Variants in COL5A2 observed in about 807,000 individuals in gnomAD.
COL5A2 encodes collagen alpha-2(V) chain.
Under a neutral mutation model 208.2 loss-of-function variants are expected in COL5A2, and 23 were observed. The ratio of observed to expected loss-of-function variants is 0.11; its 90% CI spans 0.08 to 0.16. The LOEUF (loss-of-function observed/expected upper bound fraction) is 0.16, where lower values mean the gene tolerates loss of function less well. Among genes scored for constraint, COL5A2 ranks in the 10% least tolerant of loss-of-function variants. The probability of loss-of-function intolerance (pLI) is 1.00; values close to 1 mark genes in which losing one functional copy is unlikely to be tolerated. For missense variants in COL5A2, 1,590 were observed against 1,956.4 expected, an observed-to-expected ratio of 0.81 and a Z score of 3.53; for synonymous variants, 625 against 628.5, an observed-to-expected ratio of 0.99 and a Z score of 0.08.
chr2:189,231,251 G>T, the COL5A2 span, among the ~76,000 whole-genome samples: 1 of 151,692 alleles, frequency 6.6e-6, no homozygotes, highest in African/African-American at 2.4e-5. Flanking sequence ...GAAAGCTATT[G>T]TATAACAATG....
chr2:189,081,116 T>G (rs1193278221), intron 12 of COL5A2, 73 bp from the exon 13 acceptor site: 2 of 1,300,200 alleles, frequency 1.5e-6, no homozygotes, highest in East Asian at 4.6e-5. Flanking sequence ...ATATCATTTT[T>G]TCCCAAAAAA....
chr2:189,066,778 T>C lies in COL5A2; in HGVS notation c.1406A>G (p.Asp469Gly), dbSNP rs1553515681. 6.2e-7 allele frequency: 1 copy of C among 1,612,882 alleles called. No homozygotes were observed. The highest frequency in any genetic ancestry group is 1.1e-5 in the South Asian group (1 of 91,054). The change falls in exon 22 of 54, where the codon GAT becomes GGT. Residue 469 changes from aspartate to glycine, a missense_variant. By Grantham distance (94) the Asp-to-Gly change is moderately conservative (BLOSUM62 -1). Transcript: ENST00000374866. ...GPQGIRGQPG[D>G]PGVPGFKGEA... ...TCCTTTGAAACCTGGAACTCCTGGATCACCCTGAAAAAAATATATTGATAT... is the reference window on the plus strand; with the variant it reads ...TCCTTTGAAACCTGGAACTCCTGGACCACCCTGAAAAAAATATATTGATAT...
chr2:189,070,513 G>T (rs1287708099), intron 18 of COL5A2, among the ~76,000 whole-genome samples: 1 of 152,170 alleles, frequency 6.6e-6, no homozygotes, highest in Non-Finnish European at 1.5e-5. Context: ...AGTTTTGCTA[G>T]ATATTTGAGT....
chr2:189,371,458 T>C, the COL5A2 span, among the ~76,000 whole-genome samples: 1 of 152,264 alleles, frequency 6.6e-6, no homozygotes, highest in Non-Finnish European at 1.5e-5. Flanking sequence ...AGAGAAGTGT[T>C]AAGTGATTCT....
the COL5A2 span, among the ~76,000 whole-genome samples, chr2:189,293,455 A>G: frequency 2.0e-5 from 3 of 152,184 alleles, no homozygotes; most frequent in Non-Finnish European, 4.4e-5. Flanking sequence ...CCAGTAGGAT[A>G]GAACAAGTGG....
chr2:189,320,009 A>G, the COL5A2 span, among the ~76,000 whole-genome samples: 3 of 152,210 alleles, frequency 2.0e-5, no homozygotes, highest in Non-Finnish European at 4.4e-5. Context: ...CTGTTCAGCA[A>G]TATTCACTGT....
At chr2:189,088,648 AT>A (rs1686717088) in intron 8 of COL5A2, 46 bp downstream of exon 8, 2 of 1,424,490 alleles carry the variant, frequency 1.4e-6, no homozygotes, top group South Asian at 2.3e-5. Context: ...TTTTAAAATA[AT>A]TTTTTTCACT....
chr2:189,204,234 C>T (rs1306741092), intron 1 of COL5A2, among the ~76,000 whole-genome samples: 1 of 152,104 alleles, frequency 6.6e-6, no homozygotes. Context: ...TTTGAATTCC[C>T]CAATGTTGTA....
At chr2:189,079,153 G>A (rs775259589) in intron 14 of COL5A2, 46 bp from the exon 15 acceptor site, 10 of 1,392,942 alleles carry the variant, frequency 7.2e-6, no homozygotes, top group Middle Eastern at 1.8e-4. Context: ...GCCTACAACC[G>A]ATACATCACT....
At chr2:189,308,664 C>A in the COL5A2 span, among the ~76,000 whole-genome samples, 1 of 152,128 alleles carries the variant, frequency 6.6e-6, no homozygotes, top group African/African-American at 2.4e-5. Context: ...TTATCTTAAC[C>A]TAGACATTTC....
the COL5A2 span, among the ~76,000 whole-genome samples, chr2:189,309,877 G>A: frequency 1.3e-5 from 2 of 152,260 alleles, no homozygotes; most frequent in South Asian, 4.1e-4. Context: ...TAATTTAGAG[G>A]TCACGCTTAA....
chr2:189,131,958 T>C (rs1035239073), intron 1 of COL5A2, among the ~76,000 whole-genome samples: 5 of 152,234 alleles, frequency 3.3e-5, no homozygotes, highest in Non-Finnish European at 7.3e-5. Context: ...ATATAATTGA[T>C]AAAATGTGAA....
intron 1 of COL5A2, among the ~76,000 whole-genome samples, chr2:189,207,251 A>G (rs1689153633): frequency 6.6e-6 from 1 of 152,180 alleles, no homozygotes; most frequent in African/African-American, 2.4e-5. Context: ...ATTTTCAAAA[A>G]TTGGCTGCAT....
At chr2:189,355,286 T>A in the COL5A2 span, among the ~76,000 whole-genome samples, 1 of 152,160 alleles carries the variant, frequency 6.6e-6, no homozygotes, top group Non-Finnish European at 1.5e-5. Context: ...TCTGTAGATG[T>A]CTATTAGTTC....
chr2:189,319,638 A>T, the COL5A2 span, among the ~76,000 whole-genome samples: 2 of 152,228 alleles, frequency 1.3e-5, no homozygotes, highest in Middle Eastern at 3.2e-3. Context: ...GCCATTGCTG[A>T]GGCTTGAGTA....
chr2:189,208,459 G>A (rs975589866), intron 1 of COL5A2, among the ~76,000 whole-genome samples: 6 of 152,136 alleles, frequency 3.9e-5, no homozygotes, highest in African/African-American at 1.4e-4. Context: ...TCAATAAAAA[G>A]GATGGCAGAA....
chr2:189,152,868 A>G (rs1056420228), intron 1 of COL5A2, among the ~76,000 whole-genome samples: 13 of 152,162 alleles, frequency 8.5e-5, no homozygotes, highest in Non-Finnish European at 1.3e-4. Context: ...AATTTTATTT[A>G]TCTTGAACTG....
At chr2:189,316,658 G>A in the COL5A2 span, among the ~76,000 whole-genome samples, 8 of 151,938 alleles carry the variant, frequency 5.3e-5, no homozygotes, top group South Asian at 1.7e-3. Flanking sequence ...TAATTCCTGG[G>A]TGGTGAAATA....
At chr2:189,314,002 T>G in the COL5A2 span, among the ~76,000 whole-genome samples, 1 of 152,096 alleles carries the variant, frequency 6.6e-6, no homozygotes, top group Non-Finnish European at 1.5e-5. Flanking sequence ...GTGGGGAACT[T>G]TAACACCCCA....
Sources: gnomAD v4.1 joint callset for allele counts (sites outside exome capture counted in the v4.1 genomes callset) on GRCh38, gnomAD v4.1.1 for gene constraint, MANE v1.5 for transcripts, NCBI Gene and HGNC (gene_info 2026-07-23, HGNC 2026-07-21) for gene names.